The following PCYT1B variants were observed in gnomAD, a reference collection of about 807,000 sequenced individuals.
The protein encoded by PCYT1B is choline-phosphate cytidylyltransferase B.
Under a neutral mutation model 26.4 loss-of-function variants are expected in PCYT1B, and 10 were observed. The ratio of observed to expected loss-of-function variants is 0.38; its 90% CI spans 0.23 to 0.64. The LOEUF (loss-of-function observed/expected upper bound fraction) is 0.64. Among genes scored for constraint, PCYT1B ranks in the 30% least tolerant of loss-of-function variants. PCYT1B has a pLI of 0.56. For synonymous variants in PCYT1B, 131 were observed against 108.4 expected, an observed-to-expected ratio of 1.21 and a Z score of -1.29; for missense variants, 161 against 292.7, an observed-to-expected ratio of 0.55 and a Z score of 3.28.
At chrX:24,638,017 A>C (rs1290692724) in intron 1 of PCYT1B, among the ~76,000 whole-genome samples, 2 of 111,296 alleles carry the variant, frequency 1.8e-5, no homozygotes, top group Non-Finnish European at 3.8e-5. Context: ...GCCTGCATGT[A>C]CCAGGAATGG....
At chrX:24,563,661 T>C (rs1379824437) in intron 7 of PCYT1B, among the ~76,000 whole-genome samples, 1 of 110,811 alleles carries the variant, frequency 9.0e-6, no homozygotes, top group African/African-American at 3.3e-5. Context: ...TGGAGCGAGC[T>C]GGTGGGGAAG....
At chrX:24,582,701 T>A (rs966181487) in intron 5 of PCYT1B, among the ~76,000 whole-genome samples, 1 of 112,239 alleles carries the variant, frequency 8.9e-6, no homozygotes, top group South Asian at 3.7e-4. Context: ...TTTTGACACA[T>A]AGTTCTGACA....
chrX:24,610,877 G>A (rs1925287568), intron 2 of PCYT1B, among the ~76,000 whole-genome samples: 1 of 111,393 alleles, frequency 9.0e-6, no homozygotes, highest in Non-Finnish European at 1.9e-5. Context: ...AAATGAAAGG[G>A]GGATCTGCAG....
At chrX:24,592,568 C>T (rs766355721) in intron 3 of PCYT1B, among the ~76,000 whole-genome samples, 4 of 111,472 alleles carry the variant, frequency 3.6e-5, no homozygotes, top group Middle Eastern at 4.6e-3. Context: ...CTTAACTGAT[C>T]TCCTGATTCC....
At chrX:24,650,317 C>CTTTTT (rs575150338), upstream of PCYT1B, among the ~76,000 whole-genome samples, 1 of 75,720 alleles carries the variant, frequency 1.3e-5, no homozygotes, top group Non-Finnish European at 2.5e-5. Flanking sequence ...TATTATGTAG[C>CTTTTT]TTTTTTTTTT....
At chrX:24,667,852 T>C (rs1291679929) in intron 1 of PCYT1B, among the ~76,000 whole-genome samples, 3 of 112,517 alleles carry the variant, frequency 2.7e-5, no homozygotes, top group Non-Finnish European at 5.6e-5. Flanking sequence ...AAATATTTAA[T>C]GTACATTTAC....
intron 2 of PCYT1B, among the ~76,000 whole-genome samples, chrX:24,614,698 C>G (rs1355992354): frequency 8.9e-6 from 1 of 112,147 alleles, no homozygotes; most frequent in Non-Finnish European, 1.9e-5. Context: ...ACTCTTGAAA[C>G]CAAACCCTTC....
At chrX:24,596,038 G>A (rs1196552886) in intron 3 of PCYT1B, among the ~76,000 whole-genome samples, 1 of 112,268 alleles carries the variant, frequency 8.9e-6, no homozygotes, top group East Asian at 2.8e-4. Context: ...TATGTTTACT[G>A]TTGTTATTTT....
intron 1 of PCYT1B, among the ~76,000 whole-genome samples, chrX:24,641,184 T>C (rs781172470): frequency 4.8e-3 from 542 of 111,902 alleles, no homozygotes; most frequent in Non-Finnish European, 8.2e-3. Context: ...TCCACCTGCC[T>C]CACCTCCCAA....
chrX:24,635,400 C>T (rs1006769219), intron 1 of PCYT1B, among the ~76,000 whole-genome samples: 4 of 112,035 alleles, frequency 3.6e-5, no homozygotes, highest in African/African-American at 9.7e-5. Flanking sequence ...AGCATTAGAA[C>T]AAATTATGCA....
At chrX:24,605,299 T>C (rs1469680358) in intron 3 of PCYT1B, among the ~76,000 whole-genome samples, 1 of 111,475 alleles carries the variant, frequency 9.0e-6, no homozygotes, top group African/African-American at 3.3e-5. Context: ...TTGTCTTGAC[T>C]GGTGAGAATC....
intron 7 of PCYT1B, among the ~76,000 whole-genome samples, chrX:24,571,039 C>G (rs1221588573): frequency 8.9e-6 from 1 of 112,212 alleles, no homozygotes; most frequent in Non-Finnish European, 1.9e-5. Context: ...GGGAAAGTTT[C>G]ATCGTATAAT....
chrX:24,637,740 T>C (rs1335571923), intron 1 of PCYT1B, among the ~76,000 whole-genome samples: 2 of 107,551 alleles, frequency 1.9e-5, no homozygotes, highest in African/African-American at 6.9e-5. Context: ...ACATGAGGAA[T>C]AGTAATGCTT....
chrX:24,642,225 C>T (rs766821420), intron 1 of PCYT1B, among the ~76,000 whole-genome samples: 34 of 112,268 alleles, frequency 3.0e-4, no homozygotes, highest in Non-Finnish European at 5.6e-4. Context: ...CTCCACAGCA[C>T]CTGGTGCATT....
intron 3 of PCYT1B, among the ~76,000 whole-genome samples, chrX:24,592,379 A>G (rs1295279574): frequency 9.0e-6 from 1 of 111,411 alleles, no homozygotes; most frequent in Non-Finnish European, 1.9e-5. Context: ...CAACAGTCAC[A>G]CTCAGCATCC....
chrX:24,580,118 A>T (rs1158166801), intron 5 of PCYT1B, among the ~76,000 whole-genome samples: 1 of 112,506 alleles, frequency 8.9e-6, no homozygotes, highest in East Asian at 2.8e-4. Context: ...GGCTGCTGTG[A>T]GCAGTGACTG....
chrX:24,656,551 CTT>C (rs1179469896), intron 1 of PCYT1B, among the ~76,000 whole-genome samples: 2 of 56,635 alleles, frequency 3.5e-5, no homozygotes, highest in East Asian at 6.7e-4. Context: ...TCTTTTTTTC[CTT>C]TTTTTTTTTT....
chrX:24,670,044 AAAAAAAAGAAAG>A (rs1927206696), intron 1 of PCYT1B, among the ~76,000 whole-genome samples: 1 of 75,050 alleles, frequency 1.3e-5, no homozygotes, highest in African/African-American at 5.0e-5. Context: ...CCTTGTCTCA[AAAAAAAAGAAAG>A]AAAGAAAGAA....
chrX:24,592,476 G>A (rs923467429), intron 3 of PCYT1B, among the ~76,000 whole-genome samples: 1 of 110,780 alleles, frequency 9.0e-6, no homozygotes, highest in Non-Finnish European at 1.9e-5. Context: ...AAGCACACCC[G>A]GAAGCCATGT....
Sources: gnomAD v4.1 joint callset for allele counts (sites outside exome capture counted in the v4.1 genomes callset) on GRCh38, gnomAD v4.1.1 for gene constraint, MANE v1.5 for transcripts, NCBI Gene and HGNC (gene_info 2026-07-23, HGNC 2026-07-21) for gene names.